Variants in PCSK5 observed in about 807,000 individuals in gnomAD.
PCSK5 encodes the protein proprotein convertase subtilisin/kexin type 5, also known as prohormone convertase 5.
PCSK5 carries 129 observed loss-of-function variants against 233.2 expected under a neutral mutation model. The observed-to-expected ratio is 0.55, with a 90% CI of 0.48 to 0.64. The LOEUF (loss-of-function observed/expected upper bound fraction) is 0.64. Among genes scored for constraint, PCSK5 ranks in the 30% least tolerant of loss-of-function variants. The pLI, the probability that PCSK5 is intolerant of heterozygous loss-of-function variation, is 0.00. For synonymous variants in PCSK5, 825 were observed against 879.2 expected (o/e 0.94, Z 1.09); for missense variants, 2,076 against 2,430.1 (o/e 0.85, Z 3.06).
At chr9:76,225,018 A>G (rs1825843483) in intron 20 of PCSK5, among the ~76,000 whole-genome samples, 1 of 152,202 alleles carries the variant, frequency 6.6e-6, no homozygotes, top group South Asian at 2.1e-4. Context: ...CACATCATGG[A>G]AATGAGGATA....
Position 76,227,512 on chromosome 9 carries a change from T to C in PCSK5, c.2636T>C (p.Val879Ala). The change falls in exon 21 of 38, where the codon GTT becomes GCT. Residue 879 changes from valine (V) to alanine (A), a missense_variant. This residue lies in a region of PCSK5 where 1,510 missense variants were observed against 1,538.1 expected (regional missense o/e 0.98). Transcript: ENST00000674117. ...AGATTTTGTTCCCCAGGAGAATATGTTGATGAGCATGGCCACTGCCAGACC... is the reference window on the plus strand; with the variant it reads ...AGATTTTGTTCCCCAGGAGAATATGCTGATGAGCATGGCCACTGCCAGACC... ...MGAICKDGEY[V>A]DEHGHCQTCE... is the part of the protein sequence containing the mutation. 6.2e-7 allele frequency: 1 copy of C among 1,610,474 alleles called. No individual in the cohort carries two copies. The highest frequency in any genetic ancestry group is 8.5e-7 in the Non-Finnish European group (1 of 1,178,360).
At chr9:75,908,905 A>ATCTATCTATCTG (rs1249846168) in intron 1 of PCSK5, among the ~76,000 whole-genome samples, 49 of 130,602 alleles carry the variant, frequency 3.8e-4, no homozygotes, top group Admixed American at 1.6e-3. Flanking sequence ...CTATCTATCT[A>ATCTATCTATCTG]TCTATCTATC....
At chr9:76,287,395 CCT>C (rs916133603) in intron 24 of PCSK5, 1 of 176,710 alleles carries the variant, frequency 5.7e-6, no homozygotes, top group African/African-American at 2.4e-5. Flanking sequence ...GTTAGAAATC[CCT>C]CTCTCCACAT....
chr9:76,264,295 AC>A (rs906845231), intron 24 of PCSK5, among the ~76,000 whole-genome samples: 2 of 152,188 alleles, frequency 1.3e-5, no homozygotes, highest in African/African-American at 4.8e-5. Flanking sequence ...TTCACCATAT[AC>A]AAAAATTAAC....
rs1829263086 is a variant in PCSK5, at chr9:76,323,258, T to G, written c.4309T>G (p.Tyr1437Asp). The G allele has an allele frequency of 2.5e-6, 4 of 1,611,402 alleles. No individual in the cohort carries two copies. The highest frequency in any genetic ancestry group is 1.3e-5 in the African/African-American group (1 of 75,022). ...CTTGGAGGAGTGTCCAGCAGGAACCTATTATGAAAAGGAGACTAAGGAGTG... is the reference window on the plus strand; with the variant it reads ...CTTGGAGGAGTGTCCAGCAGGAACCGATTATGAAAAGGAGACTAAGGAGTG... ...LCLEECPAGT[Y>D]YEKETKECRD... The change falls in exon 32 of 38, where the codon TAT becomes GAT. Residue 1437 changes from tyrosine to aspartate, a missense_variant. Around this residue, in one of 6 missense-constraint regions of PCSK5, gnomAD observed 1,510 missense variants for 1,538.1 expected, o/e 0.98. Coordinates refer to ENST00000674117, the MANE Select transcript of PCSK5 (RefSeq NM_001372043.1).
chr9:76,228,708 G>A (rs1353532770), intron 21 of PCSK5, among the ~76,000 whole-genome samples: 1 of 152,230 alleles, frequency 6.6e-6, no homozygotes, highest in Non-Finnish European at 1.5e-5. Context: ...CCTCATCACT[G>A]CCCTGCCCAA....
chr9:75,902,214 T>TAAAAAAAAAAAA lies in PCSK5; in HGVS notation c.192+10859_192+10870dup, dbSNP rs200579439. On this transcript the variant is annotated intron_variant, in intron 1 of 37. Coordinates refer to ENST00000674117, the MANE Select transcript of PCSK5 (RefSeq NM_001372043.1). ...CTGGGTGACAGAGTGAGACACCATC[T>TAAAAAAAAAAAA]AAAAAAAAAAAAAAAAAAAAAAAAA... Among the ~76,000 whole-genome samples the TAAAAAAAAAAAA allele has an allele frequency of 7.2e-3, 381 of 53,166 alleles. 4 individuals are homozygous for TAAAAAAAAAAAA. The highest frequency in any genetic ancestry group is 9.6e-3 in the Non-Finnish European group (277 of 28,876). 34.9% of individuals were successfully genotyped at this position (53,166 alleles called of 152,430 possible).
chr9:75,932,565 C>G, intron 2 of PCSK5, 82 bp downstream of exon 2: 1 of 819,762 alleles, frequency 1.2e-6, no homozygotes, highest in East Asian at 2.5e-5. Flanking sequence ...GGGCTGAGGA[C>G]CAGCATGAAG....
At chr9:75,938,459 TATA>T (rs1445513756) in intron 2 of PCSK5, among the ~76,000 whole-genome samples, 1 of 152,146 alleles carries the variant, frequency 6.6e-6, no homozygotes, top group Non-Finnish European at 1.5e-5. Flanking sequence ...CCACAACAGA[TATA>T]ATAACATTGA....
intron 9 of PCSK5, among the ~76,000 whole-genome samples, chr9:76,123,978 C>T (rs1293005381): frequency 6.6e-6 from 1 of 151,786 alleles, no homozygotes; most frequent in Non-Finnish European, 1.5e-5. Flanking sequence ...GTAATGAAAA[C>T]GTATATATTT....
chr9:75,891,311 G>T lies in PCSK5; in HGVS notation c.130G>T (p.Ala44Ser), dbSNP rs199793727. The T allele has an allele frequency of 5.8e-6, 9 of 1,559,094 alleles. No individual in the cohort carries two copies. The highest frequency in any genetic ancestry group is 2.0e-5 in the Admixed American group (1 of 50,090). Residue 44 changes from alanine (A) to serine (S), a missense_variant, in exon 1 of 38, where the codon GCC becomes TCC. Physicochemically the swap from Ala to Ser is moderately conservative, Grantham distance 99 (BLOSUM62 1). Coordinates refer to ENST00000674117, the MANE Select transcript of PCSK5 (RefSeq NM_001372043.1). ...CACCAACCACTGGGCAGTCAAAATC[G>T]CCGGGGGCTTCCCGGAGGCCAACCG... The part of the protein sequence containing the change: ...VYTNHWAVKI[A>S]GGFPEANRIA...
rs572464739 is a variant in PCSK5, at chr9:76,318,195, T to C, written c.3885-3227T>C. Among the ~76,000 whole-genome samples, 136 of 152,034 alleles carry C rather than the reference T, an allele frequency of 8.9e-4. 1 individual carries two copies. Among genetic ancestry groups the C allele is most frequent in the Non-Finnish European group, 9.7e-4 (66 of 68,020 alleles). On this transcript the variant is annotated intron_variant, in intron 30 of 37. Transcript: ENST00000674117. ...CATGGACGAAGCTGGAAACCTTCAT[T>C]CTCAGCAAACTAACACAGGAACAGA...
rs150423581 is a variant in PCSK5 at position 76,145,085 on chromosome 9, G to T, written c.1312+10873G>T. 6.6e-5 allele frequency among the ~76,000 whole-genome samples: 10 copies of T among 152,104 alleles called. No individual in the cohort carries two copies. In the South Asian group the frequency reaches 2.1e-3, roughly 32 times the overall value. Reference sequence around the variant, plus strand: ...GGTTGCAGTGAGCCAAGATTGTGCCGCTGCACTCCAGTCTGAGCGACAGAG... The same window carrying T: ...GGTTGCAGTGAGCCAAGATTGTGCCTCTGCACTCCAGTCTGAGCGACAGAG... On this transcript the variant is annotated intron_variant, in intron 10 of 37. Coordinates refer to ENST00000674117, the MANE Select transcript of PCSK5 (RefSeq NM_001372043.1).
intron 15 of PCSK5, 68 bp downstream of exon 15, chr9:76,179,766 A>G (rs1823765450): frequency 9.2e-7 from 1 of 1,082,580 alleles, no homozygotes; most frequent in Non-Finnish European, 1.4e-6. Context: ...TGCAAGGCTA[A>G]TACCATGGGG....
At chr9:76,143,030 A>G (rs913570558) in intron 10 of PCSK5, among the ~76,000 whole-genome samples, 5 of 152,220 alleles carry the variant, frequency 3.3e-5, no homozygotes, top group Non-Finnish European at 7.3e-5. Context: ...GAATTATATT[A>G]ATGTCATACA....
chr9:75,898,470 C>T (rs529841764), intron 1 of PCSK5, among the ~76,000 whole-genome samples: 2 of 152,218 alleles, frequency 1.3e-5, no homozygotes, highest in South Asian at 4.2e-4. Context: ...TGACTGGGGT[C>T]GTATCCCCAC....
intron 1 of PCSK5, among the ~76,000 whole-genome samples, chr9:75,924,230 T>C (rs1370827711): frequency 2.0e-5 from 3 of 152,152 alleles, no homozygotes; most frequent in African/African-American, 7.2e-5. Flanking sequence ...ATCTATACTG[T>C]AGTGATTTTG....
chr9:75,952,911 T>C (rs1824931268), intron 2 of PCSK5, among the ~76,000 whole-genome samples: 11 of 152,200 alleles, frequency 7.2e-5, no homozygotes, highest in Admixed American at 7.2e-4. Flanking sequence ...TGGTGTTTAT[T>C]TGTAACTTTA....
intron 5 of PCSK5, among the ~76,000 whole-genome samples, chr9:76,052,945 A>T (rs1829684257): frequency 6.6e-6 from 1 of 152,200 alleles, no homozygotes; most frequent in East Asian, 1.9e-4. Flanking sequence ...ATCCAGCAGG[A>T]CAGTCAAATC....
Sources: allele counts gnomAD v4.1 joint callset (sites outside exome capture counted in the v4.1 genomes callset), GRCh38; gene constraint gnomAD v4.1.1; regional missense constraint gnomAD v4.1.1; transcripts MANE v1.5; gene names NCBI Gene and HGNC (gene_info 2026-07-23, HGNC 2026-07-21).